Variants in WDFY4 observed in about 807,000 individuals in gnomAD.
WDFY4 encodes the protein WD repeat- and FYVE domain-containing protein 4.
In WDFY4, 169 loss-of-function variants were observed where a neutral mutation model predicts 351.9. The ratio of observed to expected loss-of-function variants is 0.48; its 90% CI spans 0.42 to 0.55. The LOEUF (loss-of-function observed/expected upper bound fraction) is 0.55. Ranked by LOEUF, WDFY4 falls within the 20% of genes least tolerant of loss-of-function variation. The probability of loss-of-function intolerance (pLI) is 0.00; values close to 1 mark genes in which losing one functional copy is unlikely to be tolerated. For missense variants in WDFY4, 3,803 were observed against 3,935.6 expected (o/e 0.97, Z 0.90); for synonymous variants, 1,622 against 1,574.6 (o/e 1.03, Z -0.71).
intron 43 of WDFY4, among the ~76,000 whole-genome samples, chr10:48,885,734 C>CTCTA (rs894116023): frequency 6.6e-6 from 1 of 151,164 alleles, no homozygotes; most frequent in Non-Finnish European, 1.5e-5. Context: ...CTCTCTCTCT[C>CTCTA]TATATATATA....
intron 33 of WDFY4, 59 bp downstream of exon 33, chr10:48,820,496 C>T (rs911136402): frequency 1.2e-5 from 18 of 1,511,656 alleles, no homozygotes; most frequent in African/African-American, 5.5e-5. Flanking sequence ...CATACCGGCA[C>T]TGCAAGGGCA....
Position 48,921,656 on chromosome 10 carries a change from T to A in WDFY4, c.7586+19793T>A, listed in dbSNP as rs74495783. ...AGACAAGCTACAGACTGGAAGAAAA[T>A]AGTGCAAATCATATATATCATAGAT... is the stretch of plus-strand genomic sequence containing the variant. On this transcript the variant is annotated intron_variant, in intron 47 of 61. Coordinates refer to ENST00000325239, the MANE Select transcript of WDFY4 (RefSeq NM_001394531.1). Among the ~76,000 whole-genome samples, 973 of 151,810 alleles carry A rather than the reference T, an allele frequency of 6.4e-3. 13 individuals carry two copies. Among genetic ancestry groups the A allele is most frequent in the African/African-American group, 0.022 (916 of 41,388 alleles).
chr10:48,749,774 T>C (rs2065124120), intron 12 of WDFY4, among the ~76,000 whole-genome samples: 2 of 152,188 alleles, frequency 1.3e-5, no homozygotes, highest in Non-Finnish European at 2.9e-5. Context: ...AGGACTGCTC[T>C]ACAACTGGGT....
intron 35 of WDFY4, chr10:48,824,214 G>A: frequency 1.0e-6 from 1 of 984,868 alleles, no homozygotes; most frequent in Non-Finnish European, 1.2e-6. Flanking sequence ...TCCAGTGTGT[G>A]TTTGACCCTT....
intron 12 of WDFY4, among the ~76,000 whole-genome samples, chr10:48,758,973 G>A (rs1020789013): frequency 6.6e-6 from 1 of 151,970 alleles, no homozygotes; most frequent in Admixed American, 6.6e-5. Context: ...TTGTATTCTG[G>A]ACATTTTGAA....
At chr10:48,910,070 A>G in intron 47 of WDFY4, 1 of 645,052 alleles carries the variant, frequency 1.6e-6, no homozygotes, top group Non-Finnish European at 2.8e-6. Context: ...AAGCTAAGGG[A>G]GGTGAAGTGA....
At chr10:48,899,074 T>C (rs1837230586) in intron 45 of WDFY4, among the ~76,000 whole-genome samples, 1 of 150,888 alleles carries the variant, frequency 6.6e-6, no homozygotes, top group Non-Finnish European at 1.5e-5. Context: ...TCAGTGGGGT[T>C]TTTTCCCCAA....
chr10:48,869,183 T>C (rs956788252), intron 40 of WDFY4, among the ~76,000 whole-genome samples: 1 of 152,188 alleles, frequency 6.6e-6, no homozygotes, highest in Non-Finnish European at 1.5e-5. Flanking sequence ...TAAGGAGTAG[T>C]ATGCTTTCCC....
intron 57 of WDFY4, 142 bp from the exon 58 acceptor site, chr10:48,974,720 C>G (rs1842491621): frequency 2.3e-6 from 2 of 859,350 alleles, no homozygotes; most frequent in Middle Eastern, 2.5e-4. Flanking sequence ...CCCAGCTGCA[C>G]AGACAACAGA....
rs144269380 is a variant in WDFY4, at chr10:48,814,437, A to G, written c.5340+355A>G. ...TCCTCGCTCATGAGTGACCTGGGGA[A>G]GGGACCTGACTTAGAGAAGGCAGAT... On this transcript the variant is annotated intron_variant, in intron 31 of 61. Transcript: ENST00000325239. Among the ~76,000 whole-genome samples the G allele has an allele frequency of 5.1e-3, 770 of 152,316 alleles. 4 individuals are homozygous for G. Among genetic ancestry groups the G allele is most frequent in the African/African-American group, 0.018 (731 of 41,568 alleles).
chr10:48,982,586 G>A lies in WDFY4; in HGVS notation c.*11G>A. 2 of 1,548,800 alleles carry A rather than the reference G, an allele frequency of 1.3e-6. No homozygotes were observed. The highest frequency in any genetic ancestry group is 2.0e-5 in the Admixed American group (1 of 50,882). ...TCTGCAGATGGGTAGGAAGAGAGAG[G>A]CAGCAGAGGCTCTGGCACAACAGTG... On this transcript the variant is annotated 3_prime_UTR_variant, in exon 62 of 62. Transcript: ENST00000325239.
intron 39 of WDFY4, among the ~76,000 whole-genome samples, chr10:48,838,047 C>T (rs1308510087): frequency 6.6e-6 from 1 of 152,162 alleles, no homozygotes; most frequent in Non-Finnish European, 1.5e-5. Context: ...GTTTTCAAAG[C>T]CAGGTATTAG....
intron 39 of WDFY4, among the ~76,000 whole-genome samples, chr10:48,841,598 A>T (rs2068609947): frequency 1.3e-5 from 2 of 152,110 alleles, no homozygotes; most frequent in African/African-American, 4.8e-5. Context: ...CACATATCAA[A>T]CTTGAAGTCC....
Position 48,982,762 on chromosome 10 carries a change from A to G in WDFY4, c.*187A>G, listed in dbSNP as rs1470777142. 2 of 633,894 alleles carry G rather than the reference A, an allele frequency of 3.2e-6. No homozygotes were observed. Among genetic ancestry groups the G allele is most frequent in the South Asian group, 3.0e-5 (2 of 66,106 alleles). 39.3% of individuals were successfully genotyped at this position (633,894 alleles called of 1,614,324 possible). On this transcript the variant is annotated 3_prime_UTR_variant, in exon 62 of 62. Transcript: ENST00000325239. Reference sequence around the variant, plus strand: ...CTCCATGGCCGATGGGACTTCTATGAAAAGGATGAGCACACACACTCGGAG... The same window carrying G: ...CTCCATGGCCGATGGGACTTCTATGGAAAGGATGAGCACACACACTCGGAG...
At chr10:48,897,304 A>AGCACACTG in intron 44 of WDFY4, 150 bp from the exon 45 acceptor site, 2 of 1,109,450 alleles carry the variant, frequency 1.8e-6, no homozygotes, top group Non-Finnish European at 2.5e-6. Context: ...GAGTAGGGCT[A>AGCACACTG]GCACACTGGT....
intron 4 of WDFY4, 67 bp from the exon 5 acceptor site, chr10:48,723,366 C>T: frequency 6.6e-7 from 1 of 1,519,562 alleles, no homozygotes; most frequent in African/African-American, 1.4e-5. Flanking sequence ...GGGGCCTGAT[C>T]CTGGGTCTGG....
intron 53 of WDFY4, among the ~76,000 whole-genome samples, chr10:48,961,009 A>G (rs1316767490): frequency 6.6e-6 from 1 of 152,266 alleles, no homozygotes; most frequent in Non-Finnish European, 1.5e-5. Context: ...TGATGGTTAC[A>G]TGACTGAATG....
At chr10:48,789,056 A>T (rs146368104) in intron 21 of WDFY4, among the ~76,000 whole-genome samples, 10 of 152,132 alleles carry the variant, frequency 6.6e-5, no homozygotes, top group African/African-American at 2.4e-4. Flanking sequence ...TTATTTTTTT[A>T]CAGATGGGAT....
chr10:48,706,433 C>T (rs568741106), intron 1 of WDFY4, among the ~76,000 whole-genome samples: 1 of 152,084 alleles, frequency 6.6e-6, no homozygotes, highest in South Asian at 2.1e-4. Context: ...TGCAGGAGAC[C>T]GAGCCTCAGA....
Sources: allele counts gnomAD v4.1 joint callset (sites outside exome capture counted in the v4.1 genomes callset), GRCh38; gene constraint gnomAD v4.1.1; transcripts MANE v1.5; gene names NCBI Gene and HGNC (gene_info 2026-07-23, HGNC 2026-07-21).